The following FAM167A variants were observed in gnomAD, a reference collection of about 807,000 sequenced individuals.
The protein encoded by FAM167A is family with sequence similarity 167 member A.
In FAM167A, 23 loss-of-function variants were observed where a neutral mutation model predicts 14.9. The ratio of observed to expected loss-of-function variants is 1.55; its 90% CI spans 1.11 to 2.19. The LOEUF (loss-of-function observed/expected upper bound fraction) is 2.19. Ranked by LOEUF, FAM167A falls within the 30% of genes most tolerant of loss-of-function variation. FAM167A has a pLI of 0.00. For missense variants in FAM167A, 401 were observed against 281.5 expected, an observed-to-expected ratio of 1.42 and a Z score of -3.04; for synonymous variants, 174 against 117.7, an observed-to-expected ratio of 1.48 and a Z score of -3.10.
At chr8:11,440,501 G>A (rs73663143) in intron 2 of FAM167A, among the ~76,000 whole-genome samples, 2 of 152,190 alleles carry the variant, frequency 1.3e-5, no homozygotes, top group Admixed American at 6.5e-5. Flanking sequence ...CCTTTTAGCT[G>A]GTCTTGCAGG....
intron 1 of FAM167A, among the ~76,000 whole-genome samples, chr8:11,454,388 AG>A (rs1188428443): frequency 6.6e-6 from 1 of 152,222 alleles, no homozygotes; most frequent in Non-Finnish European, 1.5e-5. Flanking sequence ...CAGGGGTGGC[AG>A]GAAGAGGCAT....
At chr8:11,438,296 C>T (rs889853278) in intron 2 of FAM167A, 39 of 401,366 alleles carry the variant, frequency 9.7e-5, no homozygotes, top group African/African-American at 2.1e-4. Context: ...CAGGACCTCC[C>T]GGTTGGGGTC....
At chr8:11,470,312 T>G (rs2736322), upstream of FAM167A, among the ~76,000 whole-genome samples, 1 of 151,992 alleles carries the variant, frequency 6.6e-6, no homozygotes, top group African/African-American at 2.4e-5. Context: ...TGTGGTGTCT[T>G]GGGGAAGGGT....
chr8:11,444,130 A>T lies in FAM167A; in HGVS notation c.282T>A (p.Ser94=). 2 of 1,613,234 alleles carry T rather than the reference A, an allele frequency of 1.2e-6. No individual in the cohort carries two copies. Among genetic ancestry groups the T allele is most frequent in the Non-Finnish European group, 1.7e-6 (2 of 1,179,980 alleles). ...PLREAGQHPP[S]ARSASQGARP... ...TGGCACCTTGGCTGGCACTCCTGGC[A>T]GAAGGGGGGTGCTGCCCAGCCTCTC... The change falls in exon 2 of 3, where the codon TCT becomes TCA. Residue 94 remains serine, a synonymous_variant. Coordinates refer to ENST00000284486, the MANE Select transcript of FAM167A (RefSeq NM_053279.3).
At chr8:11,436,534 C>A (rs952635162) in intron 2 of FAM167A, among the ~76,000 whole-genome samples, 1 of 152,174 alleles carries the variant, frequency 6.6e-6, no homozygotes, top group African/African-American at 2.4e-5. Flanking sequence ...GAAGACACCC[C>A]CTAGCAGGGG....
chr8:11,438,840 T>C (rs1806237175), intron 2 of FAM167A, among the ~76,000 whole-genome samples: 1 of 152,238 alleles, frequency 6.6e-6, no homozygotes, highest in Non-Finnish European at 1.5e-5. Flanking sequence ...GGAATTCTCT[T>C]GTGAACCAAA....
Position 11,444,369 on chromosome 8 carries a change from C to T in FAM167A, c.43G>A (p.Glu15Lys), listed in dbSNP as rs771384390. 6.3e-7 allele frequency: 1 copy of T among 1,579,518 alleles called. No individual in the cohort carries two copies. The highest frequency in any genetic ancestry group is 1.1e-5 in the South Asian group (1 of 88,362). ...QIHVEEVGAE[E>K]GAGAAAPPDD... ...GGTGGTGCGGCTGCTCCCGCCCCCT[C>T]TTCTGCACCCACTTCTTCCACGTGG... Residue 15 changes from glutamate (E) to lysine (K), a missense_variant, in exon 2 of 3, where the codon GAG becomes AAG. Transcript: ENST00000284486.
At chr8:11,436,908 G>C (rs1475294647) in intron 2 of FAM167A, among the ~76,000 whole-genome samples, 2 of 152,366 alleles carry the variant, frequency 1.3e-5, no homozygotes, top group South Asian at 4.1e-4. Context: ...GACATGAGCT[G>C]CTGGAGTGGG....
chr8:11,462,247 CCGGGTGT>C (rs1490719424), intron 1 of FAM167A, among the ~76,000 whole-genome samples: 1 of 152,158 alleles, frequency 6.6e-6, no homozygotes, highest in East Asian at 1.9e-4. Flanking sequence ...CAGGGCAGAG[CCGGGTGT>C]CGGGGGACGT....
chr8:11,444,557 C>T lies in FAM167A; in HGVS notation c.-146G>A, dbSNP rs1806663953. 7 of 1,460,218 alleles carry T rather than the reference C, an allele frequency of 4.8e-6. No individual in the cohort carries two copies. Among genetic ancestry groups the T allele is most frequent in the Non-Finnish European group, 9.0e-7 (1 of 1,114,232 alleles). The allele number at this position is 1,460,218 out of a possible 1,614,324, so 90.5% of individuals were successfully genotyped here. A position where few individuals can be genotyped will look rare whatever the true frequency, so the allele number is the denominator to read the frequency against. On this transcript the variant is annotated 5_prime_UTR_variant, in exon 2 of 3. Coordinates refer to ENST00000284486, the MANE Select transcript of FAM167A (RefSeq NM_053279.3). ...CCGGGACAGGAGCCGGCCTCAGAGGCTGGGTGGCAGGGGAGCTGAGAGGGA... is the reference window on the plus strand; with the variant it reads ...CCGGGACAGGAGCCGGCCTCAGAGGTTGGGTGGCAGGGGAGCTGAGAGGGA...
intron 1 of FAM167A, among the ~76,000 whole-genome samples, chr8:11,462,323 A>C (rs562246103): frequency 6.6e-6 from 1 of 152,356 alleles, no homozygotes; most frequent in South Asian, 2.1e-4. Context: ...CAACAGATTC[A>C]ACCCTCCTAG....
upstream of FAM167A, among the ~76,000 whole-genome samples, chr8:11,468,616 G>A (rs951026469): frequency 1.3e-5 from 2 of 152,240 alleles, no homozygotes; most frequent in African/African-American, 4.8e-5. Flanking sequence ...CCCCGGTGCT[G>A]AGCCCTAGTT....
intron 1 of FAM167A, among the ~76,000 whole-genome samples, chr8:11,453,124 G>A (rs1397848676): frequency 1.3e-5 from 2 of 152,144 alleles, no homozygotes; most frequent in African/African-American, 4.8e-5. Context: ...TCCTGCTGCC[G>A]GTTATCCTTC....
At chr8:11,445,502 A>G (rs2003423) in intron 1 of FAM167A, 615,834 of 985,408 alleles carry the variant, frequency 0.62, 193,378 homozygotes, top group East Asian at 0.68. Context: ...ATGGCTAAAC[A>G]AGCAGGCTGT....
chr8:11,445,821 T>TA (rs5889365), intron 1 of FAM167A, among the ~76,000 whole-genome samples: 49,360 of 149,268 alleles, frequency 0.33, 8,125 homozygotes, highest in Middle Eastern at 0.45. Flanking sequence ...GGGTGTGTTT[T>TA]AAAAAAAAAA....
chr8:11,421,715 G>T lies in FAM167A; in HGVS notation c.*2658C>A, dbSNP rs1003877561. 1.5e-5 allele frequency: 6 copies of T among 398,906 alleles called. No individual in the cohort carries two copies. Among genetic ancestry groups the T allele is most frequent in the Non-Finnish European group, 2.2e-5 (5 of 226,092 alleles). 24.7% of individuals were successfully genotyped at this position (398,906 alleles called of 1,614,324 possible). ...CCTGAAGGCATCAAGACATGACCACGCATGGCAGTGTCGGTGGAGAGTTTG... is the reference window on the plus strand; with the variant it reads ...CCTGAAGGCATCAAGACATGACCACTCATGGCAGTGTCGGTGGAGAGTTTG... On this transcript the variant is annotated 3_prime_UTR_variant, in exon 3 of 3. Transcript: ENST00000284486.
chr8:11,425,669 C>CA (rs1554522606), intron 2 of FAM167A, among the ~76,000 whole-genome samples: 2 of 95,492 alleles, frequency 2.1e-5, no homozygotes, highest in African/African-American at 8.7e-5. Context: ...CTTTGTTATA[C>CA]CCCCCCTTGC....
intron 1 of FAM167A, among the ~76,000 whole-genome samples, chr8:11,460,621 A>G (rs1807500619): frequency 6.6e-6 from 1 of 152,230 alleles, no homozygotes; most frequent in South Asian, 2.1e-4. Context: ...AAGAGCAACC[A>G]CATGCATTTT....
intron 2 of FAM167A, among the ~76,000 whole-genome samples, chr8:11,427,043 GT>G (rs1242440814): frequency 6.6e-6 from 1 of 152,224 alleles, no homozygotes; most frequent in Non-Finnish European, 1.5e-5. Flanking sequence ...GAAGTTCTTT[GT>G]GGGCCAATTG....
Sources: gnomAD v4.1 joint callset for allele counts (sites outside exome capture counted in the v4.1 genomes callset) on GRCh38, gnomAD v4.1.1 for gene constraint, MANE v1.5 for transcripts, NCBI Gene and HGNC (gene_info 2026-07-23, HGNC 2026-07-21) for gene names.